The following LRRC7 variants were observed in gnomAD, a reference collection of about 807,000 sequenced individuals.
LRRC7 encodes leucine-rich repeat-containing protein 7.
Under a neutral mutation model 175.7 loss-of-function variants are expected in LRRC7, and 23 were observed. The observed-to-expected ratio is 0.13, with a 90% CI of 0.09 to 0.19. The LOEUF (loss-of-function observed/expected upper bound fraction) is 0.19. Ranked by LOEUF, LRRC7 falls within the 10% of genes least tolerant of loss-of-function variation. The pLI is 1.00. For synonymous variants in LRRC7, 685 were observed against 680.9 expected, an observed-to-expected ratio of 1.01 and a Z score of -0.09; for missense variants, 1,354 against 1,904.7, an observed-to-expected ratio of 0.71 and a Z score of 5.38.
intron 4 of LRRC7, among the ~76,000 whole-genome samples, chr1:69,818,026 G>C (rs1678802362): frequency 6.6e-6 from 1 of 151,420 alleles, no homozygotes; most frequent in Admixed American, 6.6e-5. Context: ...GGATTGTTTA[G>C]GGTTTTCTAT....
chr1:69,641,489 CA>C (rs1268754044), intron 1 of LRRC7, among the ~76,000 whole-genome samples: 1 of 151,382 alleles, frequency 6.6e-6, no homozygotes, highest in Non-Finnish European at 1.5e-5. Context: ...AATCAGCATT[CA>C]TATATATATT....
At chr1:69,936,543 G>T (rs560090550) in intron 8 of LRRC7, among the ~76,000 whole-genome samples, 6 of 152,154 alleles carry the variant, frequency 3.9e-5, no homozygotes, top group African/African-American at 1.4e-4. Flanking sequence ...GTTTCCAGTT[G>T]CTTGTTGCAG....
chr1:69,845,316 G>A (rs180897886), intron 7 of LRRC7, among the ~76,000 whole-genome samples: 48 of 152,188 alleles, frequency 3.2e-4, no homozygotes, highest in Admixed American at 2.8e-3. Flanking sequence ...GGTTCTATCC[G>A]TATGTGACTA....
chr1:69,582,457 G>A (rs1646238028), intron 1 of LRRC7, among the ~76,000 whole-genome samples: 1 of 152,154 alleles, frequency 6.6e-6, no homozygotes, highest in South Asian at 2.1e-4. Flanking sequence ...TAGAGGACAG[G>A]AGCAAGAGGC....
rs79285747 is a variant in LRRC7 at position 70,046,243 on chromosome 1, C to A, written c.4110+2149C>A. ...GTTTCCTAACATCTAAATTACTCTC[C>A]AGATATAAATTAGATATCACTGTAT... On this transcript the variant is annotated intron_variant, in intron 22 of 26. Coordinates refer to ENST00000651989, the MANE Select transcript of LRRC7 (RefSeq NM_001370785.2). Among the ~76,000 whole-genome samples, 357 of 152,134 alleles carry A rather than the reference C, an allele frequency of 2.3e-3. 4 individuals are homozygous for A. The highest frequency in any genetic ancestry group is 8.0e-3 in the African/African-American group (334 of 41,516).
rs1397476244 is a variant in LRRC7 at position 70,038,481 on chromosome 1, C to T, written c.2657C>T (p.Thr886Ile). ...PSNPWQNWTR[T>I]PSPFEDRTAF... ...AATCCTTGGCAGAATTGGACCAGAA[C>T]CCCTAGTCCGTTTGAAGACAGGACC... The change falls in exon 21 of 27, where the codon ACC (threonine) becomes ATC (isoleucine). Residue 886 changes from threonine to isoleucine, a missense_variant. Around this residue, in one of 4 missense-constraint regions of LRRC7, gnomAD observed 1,032 missense variants for 1,227.2 expected, o/e 0.84. Coordinates refer to ENST00000651989, the MANE Select transcript of LRRC7 (RefSeq NM_001370785.2). 6.2e-7 allele frequency: 1 copy of T among 1,613,974 alleles called. No individual in the cohort carries two copies. Among genetic ancestry groups the T allele is most frequent in the Non-Finnish European group, 8.5e-7 (1 of 1,180,018 alleles).
At chr1:69,919,572 G>A (rs1646820022) in intron 7 of LRRC7, 1 of 800,828 alleles carries the variant, frequency 1.2e-6, no homozygotes, top group South Asian at 1.4e-5. Context: ...TCGACCTGGC[G>A]GCAGGAAATC....
chr1:69,999,640 A>G (rs1655332635), intron 11 of LRRC7, among the ~76,000 whole-genome samples: 1 of 152,170 alleles, frequency 6.6e-6, no homozygotes, highest in African/African-American at 2.4e-5. Context: ...CTCAAAATTA[A>G]TAGGTACTAA....
chr1:69,939,435 G>A (rs1648470453), intron 8 of LRRC7, among the ~76,000 whole-genome samples: 1 of 151,990 alleles, frequency 6.6e-6, no homozygotes, highest in African/African-American at 2.4e-5. Flanking sequence ...GTATTGCTGA[G>A]GAAGTGCAAA....
chr1:70,008,478 T>G (rs1048528328), intron 11 of LRRC7, among the ~76,000 whole-genome samples: 1 of 152,220 alleles, frequency 6.6e-6, no homozygotes, highest in African/African-American at 2.4e-5. Flanking sequence ...GATGCTTGAA[T>G]GTTTTAAATT....
chr1:69,608,565 A>C (rs1648037211), intron 1 of LRRC7, among the ~76,000 whole-genome samples: 1 of 152,008 alleles, frequency 6.6e-6, no homozygotes, highest in Admixed American at 6.6e-5. Context: ...TCACTTAACA[A>C]AAAAGTACCA....
At chr1:69,915,694 T>C (rs968788356) in intron 7 of LRRC7, among the ~76,000 whole-genome samples, 1 of 152,066 alleles carries the variant, frequency 6.6e-6, no homozygotes, top group Non-Finnish European at 1.5e-5. Context: ...ATGCAACACT[T>C]ATAAATCCTT....
At chr1:69,623,304 A>G (rs1000366826) in intron 1 of LRRC7, among the ~76,000 whole-genome samples, 1 of 152,180 alleles carries the variant, frequency 6.6e-6, no homozygotes, top group African/African-American at 2.4e-5. Flanking sequence ...TTAAGACACA[A>G]GATAACTTTT....
intron 2 of LRRC7, among the ~76,000 whole-genome samples, chr1:69,682,787 T>C (rs1660662662): frequency 7.1e-6 from 1 of 141,494 alleles, no homozygotes; most frequent in Non-Finnish European, 1.6e-5. Flanking sequence ...TCTAATGCTT[T>C]GGCTACCATA....
At chr1:69,746,507 T>C (rs967703892) in intron 2 of LRRC7, among the ~76,000 whole-genome samples, 1 of 152,150 alleles carries the variant, frequency 6.6e-6, no homozygotes, top group South Asian at 2.1e-4. Flanking sequence ...TCTGAAAATA[T>C]AGTTTTAAAT....
At chr1:69,910,410 C>T (rs1646485870) in intron 7 of LRRC7, among the ~76,000 whole-genome samples, 1 of 152,222 alleles carries the variant, frequency 6.6e-6, no homozygotes, top group Non-Finnish European at 1.5e-5. Context: ...CCAGACAGGA[C>T]CCTCAGCTGC....
At chr1:69,620,634 C>A (rs189044780) in intron 1 of LRRC7, among the ~76,000 whole-genome samples, 4 of 152,170 alleles carry the variant, frequency 2.6e-5, no homozygotes, top group African/African-American at 9.7e-5. Flanking sequence ...GAGCACTGAC[C>A]ATCTCTGACA....
chr1:69,789,918 CA>C (rs1674917970), intron 3 of LRRC7, among the ~76,000 whole-genome samples: 1 of 151,944 alleles, frequency 6.6e-6, no homozygotes, highest in Non-Finnish European at 1.5e-5. Context: ...GTGTGACAAA[CA>C]ACGTCTTACA....
At chr1:70,025,549 G>A (rs1657999282) in intron 17 of LRRC7, among the ~76,000 whole-genome samples, 1 of 152,006 alleles carries the variant, frequency 6.6e-6, no homozygotes, top group Admixed American at 6.6e-5. Context: ...TCTCTGCATA[G>A]AACTTACAGA....
Sources: allele counts gnomAD v4.1 joint callset (sites outside exome capture counted in the v4.1 genomes callset), GRCh38; gene constraint gnomAD v4.1.1; regional missense constraint gnomAD v4.1.1; transcripts MANE v1.5; gene names NCBI Gene and HGNC (gene_info 2026-07-23, HGNC 2026-07-21).